Variants in RBFOX1 observed in about 807,000 individuals in gnomAD.
The protein encoded by RBFOX1 is RNA binding protein fox-1 homolog 1.
Under a neutral mutation model 57.7 loss-of-function variants are expected in RBFOX1, and 8 were observed. That is an observed-to-expected ratio of 0.14 (90% CI 0.08 to 0.25). The LOEUF (loss-of-function observed/expected upper bound fraction) is 0.25. RBFOX1 is among the 10% of genes least tolerant of loss of function. RBFOX1 has a pLI of 1.00. For missense variants in RBFOX1, 611 were observed against 548.5 expected, an observed-to-expected ratio of 1.11 and a Z score of -1.14; for synonymous variants, 326 against 222.4, an observed-to-expected ratio of 1.47 and a Z score of -4.15.
intron 4 of RBFOX1, among the ~76,000 whole-genome samples, chr16:5,997,778 C>T (rs1171276375): frequency 6.6e-6 from 1 of 152,218 alleles, no homozygotes; most frequent in East Asian, 1.9e-4. Flanking sequence ...ACTAGGAGAT[C>T]ATCAAATCCA....
intron 3 of RBFOX1, among the ~76,000 whole-genome samples, chr16:6,880,780 T>A (rs543696338): frequency 5.3e-5 from 8 of 151,088 alleles, no homozygotes; most frequent in African/African-American, 1.7e-4. Flanking sequence ...TTGTTATATT[T>A]TTATTACAGT....
At chr16:5,692,789 C>G (rs887104878) in intron 3 of RBFOX1, among the ~76,000 whole-genome samples, 1 of 151,766 alleles carries the variant, frequency 6.6e-6, no homozygotes, top group African/African-American at 2.4e-5. Flanking sequence ...AGAAAACGCA[C>G]AGAGTCCAGG....
chr16:7,119,752 C>G (rs944764515), intron 4 of RBFOX1, among the ~76,000 whole-genome samples: 27 of 152,034 alleles, frequency 1.8e-4, no homozygotes, highest in African/African-American at 6.0e-4. Context: ...AATGGAGAGT[C>G]TACAAACATA....
chr16:5,295,285 C>G (rs1019615460), intron 1 of RBFOX1, among the ~76,000 whole-genome samples: 2 of 152,122 alleles, frequency 1.3e-5, no homozygotes, highest in African/African-American at 4.8e-5. Flanking sequence ...AGCTCAAATC[C>G]AGGTTCTGCA....
chr16:5,901,420 C>T (rs949267080), intron 4 of RBFOX1, among the ~76,000 whole-genome samples: 1 of 152,184 alleles, frequency 6.6e-6, no homozygotes, highest in African/African-American at 2.4e-5. Context: ...TGAAATATAA[C>T]TCCTAGCTTA....
intron 3 of RBFOX1, among the ~76,000 whole-genome samples, chr16:6,894,345 C>G (rs187978402): frequency 0.012 from 1,885 of 152,184 alleles, 21 homozygotes; most frequent in Non-Finnish European, 0.02. Flanking sequence ...TTCTGTGTGA[C>G]TTTGACAGTC....
intron 4 of RBFOX1, among the ~76,000 whole-genome samples, chr16:5,974,149 C>G (rs191317903): frequency 6.6e-6 from 1 of 152,244 alleles, no homozygotes; most frequent in East Asian, 1.9e-4. Flanking sequence ...TCTATATGGC[C>G]GTTGTTCTAC....
intron 1 of RBFOX1, among the ~76,000 whole-genome samples, chr16:6,024,776 G>T (rs888020062): frequency 6.6e-6 from 1 of 152,186 alleles, no homozygotes; most frequent in Admixed American, 6.5e-5. Flanking sequence ...GAGCCACCAC[G>T]CCCAGCCTCA....
intron 3 of RBFOX1, among the ~76,000 whole-genome samples, chr16:6,908,038 C>G (rs2070524923): frequency 6.6e-6 from 1 of 151,760 alleles, no homozygotes; most frequent in East Asian, 1.9e-4. Context: ...TAGGGCCTAT[C>G]CAAATCATCT....
chr16:5,532,023 C>T (rs2044498223), intron 2 of RBFOX1, among the ~76,000 whole-genome samples: 1 of 152,188 alleles, frequency 6.6e-6, no homozygotes, highest in African/African-American at 2.4e-5. Flanking sequence ...TGATCTTGAA[C>T]TCCTGATCTC....
rs1032191057 is a variant in RBFOX1, at chr16:6,251,043, G to A, written c.-126-65952G>A. 9.9e-5 allele frequency among the ~76,000 whole-genome samples: 15 copies of A among 152,136 alleles called. 1 individual carries two copies. The highest frequency in any genetic ancestry group is 9.2e-4 in the Admixed American group (14 of 15,254). ...CAGCTTGCTGTCATTTGCAATGGAA[G>A]CGGTGAAGTTTGCAAACAGCAGTAC... On this transcript the variant is annotated intron_variant, in intron 1 of 15. Coordinates refer to ENST00000550418, the MANE Select transcript of RBFOX1 (RefSeq NM_018723.4).
At chr16:6,045,019 G>A (rs1486419408) in intron 1 of RBFOX1, among the ~76,000 whole-genome samples, 1 of 152,210 alleles carries the variant, frequency 6.6e-6, no homozygotes, top group Non-Finnish European at 1.5e-5. Flanking sequence ...TGATGCCTGG[G>A]CTGTGGCCCT....
intron 2 of RBFOX1, among the ~76,000 whole-genome samples, chr16:6,457,733 C>T (rs1054261866): frequency 6.6e-6 from 1 of 152,128 alleles, no homozygotes; most frequent in Non-Finnish European, 1.5e-5. Context: ...ATGTGGACCC[C>T]GGTGATTTGC....
intron 5 of RBFOX1, among the ~76,000 whole-genome samples, chr16:7,520,923 C>T (rs1020490998): frequency 6.6e-6 from 1 of 152,040 alleles, no homozygotes; most frequent in Admixed American, 6.6e-5. Context: ...TCTATTAGGG[C>T]CAGGATTCAT....
intron 3 of RBFOX1, among the ~76,000 whole-genome samples, chr16:6,740,144 C>T (rs377118132): frequency 6.6e-6 from 1 of 152,074 alleles, no homozygotes; most frequent in Non-Finnish European, 1.5e-5. Flanking sequence ...ATTCACTATA[C>T]CGATAGGTTC....
chr16:6,560,816 C>T (rs567938385), intron 2 of RBFOX1, among the ~76,000 whole-genome samples: 1 of 152,320 alleles, frequency 6.6e-6, no homozygotes, highest in South Asian at 2.1e-4. Context: ...TACTGTCTGA[C>T]TTGCTCTTCA....
intron 4 of RBFOX1, among the ~76,000 whole-genome samples, chr16:7,172,485 C>G (rs1381172074): frequency 6.6e-6 from 1 of 152,202 alleles, no homozygotes; most frequent in African/African-American, 2.4e-5. Context: ...GATCCCCAGC[C>G]TTTTATCAGC....
intron 4 of RBFOX1, among the ~76,000 whole-genome samples, chr16:7,247,795 T>A (rs982361396): frequency 7.9e-5 from 12 of 152,140 alleles, no homozygotes; most frequent in African/African-American, 2.9e-4. Context: ...AAAATGTGGT[T>A]CCAAACACTG....
chr16:5,653,110 G>A (rs1213028112), intron 3 of RBFOX1, among the ~76,000 whole-genome samples: 1 of 151,860 alleles, frequency 6.6e-6, no homozygotes, highest in Non-Finnish European at 1.5e-5. Context: ...GGGCCTTTGT[G>A]TGGAAGGTGG....
Sources: gnomAD v4.1 joint callset for allele counts (sites outside exome capture counted in the v4.1 genomes callset) on GRCh38, gnomAD v4.1.1 for gene constraint, MANE v1.5 for transcripts, NCBI Gene and HGNC (gene_info 2026-07-23, HGNC 2026-07-21) for gene names.